The following ZDHHC17 variants were observed in gnomAD, a reference collection of about 807,000 sequenced individuals.
ZDHHC17 encodes palmitoyltransferase ZDHHC17.
In ZDHHC17, 40 loss-of-function variants were observed where a neutral mutation model predicts 90.3. The observed-to-expected ratio is 0.44, with a 90% confidence interval of 0.34 to 0.58. The LOEUF (loss-of-function observed/expected upper bound fraction) is 0.58, where lower values mean the gene tolerates loss of function less well. Ranked by LOEUF, ZDHHC17 falls within the 20% of genes least tolerant of loss-of-function variation. ZDHHC17 has a pLI of 0.01. For synonymous variants in ZDHHC17, 235 were observed against 252.4 expected (o/e 0.93, Z 0.65); for missense variants, 614 against 780.8 (o/e 0.79, Z 2.55).
intron 2 of ZDHHC17, among the ~76,000 whole-genome samples, chr12:76,799,913 T>G (rs1046959028): frequency 6.6e-6 from 1 of 152,290 alleles, no homozygotes; most frequent in East Asian, 1.9e-4. Flanking sequence ...ATCTTTGGGG[T>G]GGGACTCAAG....
chr12:76,833,588 C>T (rs971097152), intron 10 of ZDHHC17, among the ~76,000 whole-genome samples: 10 of 151,844 alleles, frequency 6.6e-5, no homozygotes, highest in Admixed American at 1.3e-4. Context: ...GTCAGGAGAC[C>T]GAGACCATCC....
intron 8 of ZDHHC17, among the ~76,000 whole-genome samples, chr12:76,825,138 A>G (rs1953215129): frequency 6.6e-6 from 1 of 152,140 alleles, no homozygotes; most frequent in South Asian, 2.1e-4. Flanking sequence ...GCTGGACTAT[A>G]TCAAGGTTAG....
At chr12:76,765,723 C>A (rs976219463) in intron 1 of ZDHHC17, among the ~76,000 whole-genome samples, 1 of 152,152 alleles carries the variant, frequency 6.6e-6, no homozygotes, top group Non-Finnish European at 1.5e-5. Context: ...TTTTTTGAGA[C>A]GGGGTTTCTC....
At chr12:76,793,807 A>T (rs1372234497) in intron 1 of ZDHHC17, among the ~76,000 whole-genome samples, 1 of 152,190 alleles carries the variant, frequency 6.6e-6, no homozygotes, top group Non-Finnish European at 1.5e-5. Flanking sequence ...CATATTTTTA[A>T]ATTAGTATTG....
chr12:76,847,897 C>T (rs1410945695), intron 14 of ZDHHC17, among the ~76,000 whole-genome samples: 1 of 151,960 alleles, frequency 6.6e-6, no homozygotes, highest in African/African-American at 2.4e-5. Flanking sequence ...ATGTTATATG[C>T]CCTCTTTCAA....
chr12:76,787,516 T>A (rs1952702162), intron 1 of ZDHHC17, among the ~76,000 whole-genome samples: 1 of 152,168 alleles, frequency 6.6e-6, no homozygotes. Flanking sequence ...GGAAAAATAA[T>A]AGGAAATAAG....
intron 14 of ZDHHC17, among the ~76,000 whole-genome samples, chr12:76,847,950 A>G (rs1267611107): frequency 1.3e-5 from 2 of 152,204 alleles, no homozygotes; most frequent in East Asian, 3.8e-4. Context: ...TGTAAAGAAA[A>G]TGTTTTTCTA....
chr12:76,774,306 A>G lies in ZDHHC17; in HGVS notation c.93+9977A>G, dbSNP rs1952532529. 2.7e-5 allele frequency among the ~76,000 whole-genome samples: 4 copies of G among 148,656 alleles called. No homozygotes were observed. In the South Asian group the frequency reaches 8.5e-4, roughly 31 times the overall value. On this transcript the variant is annotated intron_variant, in intron 1 of 16. Coordinates refer to ENST00000426126, the MANE Select transcript of ZDHHC17 (RefSeq NM_015336.4). ...TATGTGTATGTGTGTAAATATATAT[A>G]TATACACACACACACATATATATAC...
In ZDHHC17 at chr12:76,811,838, G is replaced by A. The variant is rs535643911; in HGVS notation, c.543+1981G>A. ...GTAATCTGAAAATCCGGAATGCTGC[G>A]AAATCCAAAACGTTTTGAGTGTCAA... On this transcript the variant is annotated intron_variant, in intron 5 of 16. Coordinates refer to ENST00000426126, the MANE Select transcript of ZDHHC17 (RefSeq NM_015336.4). Among the ~76,000 whole-genome samples the A allele has an allele frequency of 2.9e-3, 446 of 152,116 alleles. 4 individuals are homozygous for A. The Middle Eastern group carries it at 0.031, about 10-fold the overall frequency.
At chr12:76,811,402 GGAAA>G (rs1012373384) in intron 5 of ZDHHC17, among the ~76,000 whole-genome samples, 9 of 152,044 alleles carry the variant, frequency 5.9e-5, no homozygotes, top group Admixed American at 2.0e-4. Flanking sequence ...TTTTTAACTG[GGAAA>G]GAAAGGTGGT....
intron 14 of ZDHHC17, among the ~76,000 whole-genome samples, chr12:76,846,983 G>C (rs1042580753): frequency 6.6e-6 from 1 of 152,166 alleles, no homozygotes; most frequent in Non-Finnish European, 1.5e-5. Context: ...TCATGTGCTT[G>C]CTTTACTATA....
At position 76,845,695 on chromosome 12, in the gene ZDHHC17, A is replaced by G. The variant is rs1211211649; in HGVS notation, c.1330-14A>G. 1 of 1,481,842 alleles carries G rather than the reference A, an allele frequency of 6.7e-7. No homozygotes were observed. Among genetic ancestry groups the G allele is most frequent in the East Asian group, 2.3e-5 (1 of 42,784 alleles). 91.8% of individuals were successfully genotyped at this position (1,481,842 alleles called of 1,614,324 possible). On this transcript the variant is annotated splice_polypyrimidine_tract_variant and intron_variant, in intron 12 of 16. Coordinates refer to ENST00000426126, the MANE Select transcript of ZDHHC17 (RefSeq NM_015336.4). Reference sequence around the variant, plus strand: ...ATAATGCCTTTCATAATCCTTTAACATGCCTATTAACAGATACGAAAACCG... The same window carrying G: ...ATAATGCCTTTCATAATCCTTTAACGTGCCTATTAACAGATACGAAAACCG...
At chr12:76,843,528 T>C (rs1953460016) in intron 12 of ZDHHC17, among the ~76,000 whole-genome samples, 1 of 152,082 alleles carries the variant, frequency 6.6e-6, no homozygotes, top group Non-Finnish European at 1.5e-5. Flanking sequence ...TAGGTAAAGA[T>C]ATATATGAAA....
chr12:76,845,625 T>C (rs936425684), intron 12 of ZDHHC17, 84 bp from the exon 13 acceptor site: 15 of 519,808 alleles, frequency 2.9e-5, no homozygotes, highest in Admixed American at 2.3e-4. Context: ...TATTTTTTTA[T>C]AATTATATTT....
At chr12:76,839,910 C>T (rs1344718341) in intron 10 of ZDHHC17, 2 of 152,134 alleles carry the variant, frequency 1.3e-5, no homozygotes, top group African/African-American at 4.8e-5. Context: ...TATATTGTTT[C>T]CATAATATTT....
chr12:76,828,181 G>A (rs1435564187), intron 9 of ZDHHC17, among the ~76,000 whole-genome samples: 2 of 152,014 alleles, frequency 1.3e-5, no homozygotes, highest in Non-Finnish European at 2.9e-5. Context: ...TAAATTTGGG[G>A]GGAATTAAAA....
chr12:76,831,175 T>C (rs1394699390), intron 10 of ZDHHC17, among the ~76,000 whole-genome samples: 1 of 152,162 alleles, frequency 6.6e-6, no homozygotes, highest in Non-Finnish European at 1.5e-5. Flanking sequence ...GTCTCCAAGT[T>C]CTTGAGAAAA....
chr12:76,811,476 T>C (rs886841836), intron 5 of ZDHHC17, among the ~76,000 whole-genome samples: 43 of 152,320 alleles, frequency 2.8e-4, no homozygotes, highest in African/African-American at 1.0e-3. Flanking sequence ...GTTTGGATTA[T>C]TTCATTAATC....
At chr12:76,817,801 T>G (rs951391262) in intron 7 of ZDHHC17, among the ~76,000 whole-genome samples, 2 of 152,144 alleles carry the variant, frequency 1.3e-5, no homozygotes, top group African/African-American at 4.8e-5. Context: ...AGAGTAGAGA[T>G]ATTTAAAATT....
Sources: allele counts gnomAD v4.1 joint callset (sites outside exome capture counted in the v4.1 genomes callset), GRCh38; gene constraint gnomAD v4.1.1; transcripts MANE v1.5; gene names NCBI Gene and HGNC (gene_info 2026-07-23, HGNC 2026-07-21).